The following ZFAND6 variants were observed in gnomAD, a reference collection of about 807,000 sequenced individuals.
The protein encoded by ZFAND6 is zinc finger AN1-type containing 6.
In ZFAND6, 12 loss-of-function variants were observed where a neutral mutation model predicts 24.5. The ratio of observed to expected loss-of-function variants is 0.49; its 90% CI spans 0.31 to 0.79. The LOEUF (loss-of-function observed/expected upper bound fraction) is 0.79. Among genes scored for constraint, ZFAND6 ranks in the 30% least tolerant of loss-of-function variants. The pLI, the probability that ZFAND6 is intolerant of heterozygous loss-of-function variation, is 0.04. For missense variants in ZFAND6, 207 were observed against 245.9 expected, an observed-to-expected ratio of 0.84 and a Z score of 1.06; for synonymous variants, 92 against 81.5, an observed-to-expected ratio of 1.13 and a Z score of -0.69.
chr15:80,092,757 T>G (rs1334743746), intron 1 of ZFAND6, among the ~76,000 whole-genome samples: 4 of 152,188 alleles, frequency 2.6e-5, no homozygotes, highest in Non-Finnish European at 5.9e-5. Flanking sequence ...TTTTAAAAAT[T>G]GTTTAAATTT....
intron 5 of ZFAND6, among the ~76,000 whole-genome samples, chr15:80,127,461 G>A (rs919495486): frequency 4.6e-5 from 7 of 151,756 alleles, no homozygotes; most frequent in African/African-American, 1.7e-4. Flanking sequence ...GATGTCATGC[G>A]CCTGTAGTCT....
At position 80,112,273 on chromosome 15, in the gene ZFAND6, T is replaced by C. The variant is rs145072136; in HGVS notation, c.-17-8055T>C. On this transcript the variant is annotated intron_variant, in intron 2 of 6. Coordinates refer to ENST00000261749, the MANE Select transcript of ZFAND6 (RefSeq NM_019006.4). ...GAAACTCCATCTCAAAAAACTGCTATGCAGAGAAACTACAAAGCACAGTCA... is the reference window on the plus strand; with the variant it reads ...GAAACTCCATCTCAAAAAACTGCTACGCAGAGAAACTACAAAGCACAGTCA... Among the ~76,000 whole-genome samples the C allele has an allele frequency of 5.3e-3, 812 of 152,232 alleles. 12 individuals are homozygous for C. Among genetic ancestry groups the C allele is most frequent in the African/African-American group, 0.019 (777 of 41,560 alleles).
chr15:80,063,372 A>G (rs2036436131), intron 1 of ZFAND6, among the ~76,000 whole-genome samples: 2 of 152,070 alleles, frequency 1.3e-5, no homozygotes, highest in Non-Finnish European at 2.9e-5. Context: ...GTACATCTCA[A>G]TTCAGACTAG....
intron 5 of ZFAND6, among the ~76,000 whole-genome samples, chr15:80,123,236 A>G (rs955931458): frequency 1.3e-5 from 2 of 152,142 alleles, no homozygotes; most frequent in African/African-American, 2.4e-5. Context: ...CATGTGTGCA[A>G]TAGTCACATT....
chr15:80,076,851 A>G (rs144401380), intron 1 of ZFAND6, among the ~76,000 whole-genome samples: 2 of 152,284 alleles, frequency 1.3e-5, no homozygotes, highest in South Asian at 2.1e-4. Flanking sequence ...TCCTTCTTCT[A>G]AGGCATAGTG....
At chr15:80,112,748 T>C (rs1265689350) in intron 2 of ZFAND6, 1 of 455,948 alleles carries the variant, frequency 2.2e-6, no homozygotes, top group Admixed American at 2.3e-5. Flanking sequence ...TTACCATCCC[T>C]CATGTCTCTT....
intron 1 of ZFAND6, among the ~76,000 whole-genome samples, chr15:80,084,372 G>A (rs1285318901): frequency 6.6e-6 from 1 of 152,198 alleles, no homozygotes; most frequent in Non-Finnish European, 1.5e-5. Context: ...CAACTGTTAA[G>A]TATATAATGC....
At chr15:80,090,346 G>A (rs2038279804) in intron 1 of ZFAND6, among the ~76,000 whole-genome samples, 1 of 152,174 alleles carries the variant, frequency 6.6e-6, no homozygotes, top group Admixed American at 6.5e-5. Flanking sequence ...TTTGGAGTCA[G>A]ACTCTCTGGG....
At chr15:80,119,585 T>A (rs28416077) in intron 2 of ZFAND6, among the ~76,000 whole-genome samples, 129 of 151,430 alleles carry the variant, frequency 8.5e-4, no homozygotes, top group African/African-American at 2.9e-3. Context: ...CATGCTTTTT[T>A]AAAAAAAAAC....
intron 2 of ZFAND6, among the ~76,000 whole-genome samples, chr15:80,112,216 C>T (rs796719669): frequency 7.9e-5 from 12 of 152,142 alleles, no homozygotes; most frequent in East Asian, 3.9e-4. Context: ...GCCGAGACTG[C>T]GCCACTGCGC....
chr15:80,137,607 T>G lies in ZFAND6; in HGVS notation c.606T>G (p.Gly202=). The G allele has an allele frequency of 6.3e-7, 1 of 1,592,478 alleles. No homozygotes were observed. Among genetic ancestry groups the G allele is most frequent in the Middle Eastern group, 1.7e-4 (1 of 5,930 alleles). ...GAAAAGAAAATCCAGTAGTTGTTGGTGAAAAGATCCAAAAGATTTGAACTC... is the reference window on the plus strand; with the variant it reads ...GAAAAGAAAATCCAGTAGTTGTTGGGGAAAAGATCCAAAAGATTTGAACTC... The part of the protein sequence containing the change: ...KIRKENPVVV[G]EKIQKI The change falls in exon 7 of 7, where the codon GGT becomes GGG. Residue 202 remains glycine, a synonymous_variant. Transcript: ENST00000261749.
intron 1 of ZFAND6, among the ~76,000 whole-genome samples, chr15:80,061,192 A>G (rs559318796): frequency 1.4e-4 from 22 of 152,200 alleles, no homozygotes; most frequent in Non-Finnish European, 2.6e-4. Flanking sequence ...TACGTTTTAA[A>G]ATGTGTTTAA....
chr15:80,117,250 T>C (rs896859977), intron 2 of ZFAND6, among the ~76,000 whole-genome samples: 3 of 151,458 alleles, frequency 2.0e-5, no homozygotes, highest in Non-Finnish European at 4.4e-5. Context: ...TGAGACGGAG[T>C]CTCGCTCTGT....
intron 1 of ZFAND6, among the ~76,000 whole-genome samples, chr15:80,069,130 G>T (rs897471390): frequency 4.6e-5 from 7 of 151,822 alleles, no homozygotes; most frequent in African/African-American, 1.5e-4. Context: ...TTCTGGTTTA[G>T]GCCTCCAAGG....
At chr15:80,090,672 A>G (rs1338801997) in intron 1 of ZFAND6, among the ~76,000 whole-genome samples, 1 of 152,154 alleles carries the variant, frequency 6.6e-6, no homozygotes. Context: ...GTTAGCAAAA[A>G]CAACCCTGGA....
chr15:80,087,309 A>T (rs1046636420), intron 1 of ZFAND6, among the ~76,000 whole-genome samples: 4 of 152,184 alleles, frequency 2.6e-5, no homozygotes, highest in Admixed American at 1.3e-4. Context: ...CTTCACCCTC[A>T]TCAAAAATCG....
rs765706666 is a variant in ZFAND6 at position 80,104,532 on chromosome 15, AGTCAATCCATCCATCC to A, written c.-18+5955_-18+5970del. On this transcript the variant is annotated intron_variant, in intron 2 of 6. Coordinates refer to ENST00000261749, the MANE Select transcript of ZFAND6 (RefSeq NM_019006.4). ...AGACCCTGTCTCAAATCAGTCAGTC[AGTCAATCCATCCATCC>A]ATCCATCCATCCATCCCAGAAACTT... 4.9e-4 allele frequency among the ~76,000 whole-genome samples: 74 copies of A among 151,294 alleles called. 2 individuals carry two copies. The South Asian group carries it at 9.8e-3, about 20-fold the overall frequency.
intron 2 of ZFAND6, among the ~76,000 whole-genome samples, chr15:80,112,541 G>A (rs1013628703): frequency 1.3e-5 from 2 of 151,914 alleles, no homozygotes; most frequent in African/African-American, 4.8e-5. Flanking sequence ...GGGATTACAG[G>A]CATGTGCCAC....
chr15:80,131,160 C>T lies in ZFAND6; in HGVS notation c.365-20C>T, dbSNP rs750543254. 4.0e-6 allele frequency: 6 copies of T among 1,517,248 alleles called. No homozygotes were observed. Among genetic ancestry groups the T allele is most frequent in the Non-Finnish European group, 4.5e-6 (5 of 1,123,272 alleles). The allele number at this position is 1,517,248 out of a possible 1,614,324, so 94.0% of individuals were successfully genotyped here. On this transcript the variant is annotated intron_variant, in intron 5 of 6. Transcript: ENST00000261749. ...ATCTTACAGAATAATTAAATTTTGCCACCTTCGTATTTTTGTTAGCTTCAG... is the reference window on the plus strand; with the variant it reads ...ATCTTACAGAATAATTAAATTTTGCTACCTTCGTATTTTTGTTAGCTTCAG...
Sources: allele counts gnomAD v4.1 joint callset (sites outside exome capture counted in the v4.1 genomes callset), GRCh38; gene constraint gnomAD v4.1.1; transcripts MANE v1.5; gene names NCBI Gene and HGNC (gene_info 2026-07-23, HGNC 2026-07-21).